The following SAMD12 variants were observed in gnomAD, a reference collection of about 807,000 sequenced individuals.
The protein encoded by SAMD12 is sterile alpha motif domain-containing protein 12.
In SAMD12, 9 loss-of-function variants were observed where a neutral mutation model predicts 15.0. That is an observed-to-expected ratio of 0.60 (90% confidence interval 0.36 to 1.05). SAMD12 has a LOEUF of 1.05. Ranked by LOEUF, SAMD12 falls within the 50% of genes least tolerant of loss-of-function variation. The probability of loss-of-function intolerance (pLI) is 0.01; values close to 1 mark genes in which losing one functional copy is unlikely to be tolerated. For synonymous variants in SAMD12, 86 were observed against 90.1 expected, an observed-to-expected ratio of 0.96 and a Z score of 0.25; for missense variants, 230 against 234.2, an observed-to-expected ratio of 0.98 and a Z score of 0.12.
chr8:118,420,891 C>A (rs555672303), intron 3 of SAMD12, among the ~76,000 whole-genome samples: 37 of 152,254 alleles, frequency 2.4e-4, no homozygotes, highest in African/African-American at 8.7e-4. Context: ...CTAAATCTGG[C>A]CTGCCACCTG....
chr8:118,257,758 CT>C (rs2130047588), intron 4 of SAMD12, among the ~76,000 whole-genome samples: 1 of 152,182 alleles, frequency 6.6e-6, no homozygotes, highest in South Asian at 2.1e-4. Context: ...ATCACACCAT[CT>C]GGAAGTCTGT....
chr8:118,365,060 CA>C (rs1239822204), intron 4 of SAMD12, among the ~76,000 whole-genome samples: 1 of 152,150 alleles, frequency 6.6e-6, no homozygotes, highest in Admixed American at 6.5e-5. Flanking sequence ...CCACTGTCTT[CA>C]GGATAAATTC....
rs1299970707 is a variant in SAMD12 at position 118,269,220 on chromosome 8, C to CTCTCTCTG, written c.434-71489_434-71488insCAGAGAGA. Among the ~76,000 whole-genome samples the CTCTCTCTG allele has an allele frequency of 4.8e-3, 590 of 123,008 alleles. 6 individuals carry two copies. Among genetic ancestry groups the CTCTCTCTG allele is most frequent in the African/African-American group, 0.019 (563 of 29,424 alleles). The allele number at this position is 123,008 out of a possible 152,430, so 80.7% of individuals were successfully genotyped here. On this transcript the variant is annotated intron_variant, in intron 4 of 4. Transcript: ENST00000409003. ...TCTCTCTCTCTCTCTCTCTCTCTCT[C>CTCTCTCTG]TGTGTGTGTGTGTGTGTGTGTGTGT... is the stretch of plus-strand genomic sequence containing the variant.
chr8:118,403,688 A>G (rs1820981515), intron 3 of SAMD12, among the ~76,000 whole-genome samples: 1 of 152,214 alleles, frequency 6.6e-6, no homozygotes, highest in Non-Finnish European at 1.5e-5. Context: ...GAATATCTGG[A>G]GAACATGACC....
chr8:118,175,041 A>C, the SAMD12 span, among the ~76,000 whole-genome samples: 21 of 146,870 alleles, frequency 1.4e-4, no homozygotes, highest in East Asian at 2.0e-4. Context: ...AAACAAAAAA[A>C]AAAAAACAAA....
At chr8:118,439,602 C>T (rs1040134178) in intron 3 of SAMD12, among the ~76,000 whole-genome samples, 2 of 145,284 alleles carry the variant, frequency 1.4e-5, no homozygotes, top group Non-Finnish European at 3.0e-5. Flanking sequence ...CACCCTGATT[C>T]CCATATACTT....
At chr8:118,471,657 G>T (rs1413138517) in intron 2 of SAMD12, among the ~76,000 whole-genome samples, 1 of 152,270 alleles carries the variant, frequency 6.6e-6, no homozygotes, top group South Asian at 2.1e-4. Flanking sequence ...CTACAGTTAA[G>T]CAAAAATAAC....
At chr8:118,270,161 G>A (rs924522418) in intron 4 of SAMD12, among the ~76,000 whole-genome samples, 12 of 152,116 alleles carry the variant, frequency 7.9e-5, no homozygotes, top group Admixed American at 7.9e-4. Context: ...ATGGATTTGA[G>A]GTTTCTTGCA....
intron 1 of SAMD12, among the ~76,000 whole-genome samples, chr8:118,585,111 G>A (rs778638383): frequency 2.6e-5 from 4 of 152,120 alleles, no homozygotes; most frequent in Non-Finnish European, 2.9e-5. Context: ...AATATTTTGC[G>A]CCTATAAAAG....
chr8:118,592,805 G>T (rs565398969), intron 1 of SAMD12, among the ~76,000 whole-genome samples: 1 of 152,252 alleles, frequency 6.6e-6, no homozygotes, highest in African/African-American at 2.4e-5. Context: ...AGGTTACAAA[G>T]GTCAGACACA....
chr8:118,317,098 A>C (rs1815957075), intron 4 of SAMD12, among the ~76,000 whole-genome samples: 1 of 152,128 alleles, frequency 6.6e-6, no homozygotes, highest in South Asian at 2.1e-4. Flanking sequence ...ACACAGGGAG[A>C]AGACAGCCAT....
At chr8:118,149,547 A>G in the SAMD12 span, among the ~76,000 whole-genome samples, 1 of 152,118 alleles carries the variant, frequency 6.6e-6, no homozygotes, top group Admixed American at 6.5e-5. Context: ...TTCTTTTAAC[A>G]GAGTCTTTCA....
At chr8:118,391,271 T>C (rs576079494) in intron 3 of SAMD12, among the ~76,000 whole-genome samples, 3 of 152,322 alleles carry the variant, frequency 2.0e-5, no homozygotes, top group African/African-American at 7.2e-5. Context: ...ATGGAGACTA[T>C]AATGGAAGAT....
At chr8:118,534,302 A>C (rs12543034) in intron 2 of SAMD12, among the ~76,000 whole-genome samples, 51,329 of 151,802 alleles carry the variant, frequency 0.34, 9,513 homozygotes, top group Admixed American at 0.43. Flanking sequence ...GAGTTTCTGC[A>C]GAGAGATCCG....
chr8:118,464,667 C>A (rs921680238), intron 2 of SAMD12, among the ~76,000 whole-genome samples: 1 of 151,968 alleles, frequency 6.6e-6, no homozygotes, highest in Non-Finnish European at 1.5e-5. Flanking sequence ...TTATTTTGAG[C>A]AAACATAGTT....
chr8:118,432,340 T>C (rs1003877223), intron 3 of SAMD12, among the ~76,000 whole-genome samples: 1 of 152,192 alleles, frequency 6.6e-6, no homozygotes. Flanking sequence ...ACATGTTGTA[T>C]TCAGTAATAG....
At chr8:118,178,428 C>T in the SAMD12 span, among the ~76,000 whole-genome samples, 1 of 151,966 alleles carries the variant, frequency 6.6e-6, no homozygotes, top group Non-Finnish European at 1.5e-5. Context: ...CATAAAAACC[C>T]ATTGTATGAT....
rs572855015 is a variant in SAMD12 at position 118,361,449 on chromosome 8, A to G, written c.433+18111T>C. On this transcript the variant is annotated intron_variant, in intron 4 of 4. Transcript: ENST00000409003. ...TGTTTATTCCATTTTAATTTTTTTA[A>G]GTACCTATTACAATGTTAGATACAA... Among the ~76,000 whole-genome samples the G allele has an allele frequency of 3.9e-5, 6 of 152,316 alleles. No homozygotes were observed. In the South Asian group the frequency reaches 1.2e-3, roughly 32 times the overall value.
At chr8:118,488,974 T>C (rs930916279) in intron 2 of SAMD12, among the ~76,000 whole-genome samples, 2 of 152,246 alleles carry the variant, frequency 1.3e-5, no homozygotes, top group African/African-American at 2.4e-5. Context: ...GTTTACACTT[T>C]AGCAAAAATG....
Sources: allele counts gnomAD v4.1 joint callset (sites outside exome capture counted in the v4.1 genomes callset), GRCh38; gene constraint gnomAD v4.1.1; transcripts MANE v1.5; gene names NCBI Gene and HGNC (gene_info 2026-07-23, HGNC 2026-07-21).